The following WDR35 variants were observed in gnomAD, a reference collection of about 807,000 sequenced individuals.
WDR35 encodes the protein WD repeat-containing protein 35.
Under a neutral mutation model 158.3 loss-of-function variants are expected in WDR35, and 118 were observed. That is an observed-to-expected ratio of 0.75 (90% CI 0.64 to 0.87). WDR35 has a LOEUF of 0.87. Among genes scored for constraint, WDR35 ranks in the 40% least tolerant of loss-of-function variants. The pLI is 0.00. For missense variants in WDR35, 1,263 were observed against 1,405.8 expected, an observed-to-expected ratio of 0.90 and a Z score of 1.62; for synonymous variants, 448 against 476.1, an observed-to-expected ratio of 0.94 and a Z score of 0.77.
chr2:19,931,214 T>C (rs1670513939), intron 24 of WDR35, 55 bp downstream of exon 24: 1 of 1,575,558 alleles, frequency 6.3e-7, no homozygotes. Flanking sequence ...AGTTTCTTTT[T>C]TTTTTTTTCT....
At chr2:19,965,048 C>T (rs1028344020) in intron 10 of WDR35, among the ~76,000 whole-genome samples, 16 of 152,062 alleles carry the variant, frequency 1.1e-4, no homozygotes, top group African/African-American at 3.6e-4. Flanking sequence ...CTCAGCCTCC[C>T]GAGTAGCTGG....
chr2:19,969,708 T>C (rs1281025679), intron 8 of WDR35, 103 bp from the exon 9 acceptor site: 4 of 1,306,840 alleles, frequency 3.1e-6, no homozygotes, highest in Non-Finnish European at 4.2e-6. Flanking sequence ...AACATTATTT[T>C]GTGAAAAGTT....
intron 16 of WDR35, among the ~76,000 whole-genome samples, chr2:19,943,162 A>G (rs1171549938): frequency 6.6e-6 from 1 of 152,126 alleles, no homozygotes; most frequent in East Asian, 1.9e-4. Flanking sequence ...CTTGTAAATT[A>G]AAAGTAATAT....
In WDR35 at chr2:19,935,573, T is replaced by C. The variant is rs1291192743; in HGVS notation, c.2445A>G (p.Gly815=). The C allele has an allele frequency of 6.2e-7, 1 of 1,612,910 alleles. No homozygotes were observed. The change falls in exon 21 of 27, where the codon GGA becomes GGG. Residue 815 remains glycine, a synonymous_variant. Coordinates refer to ENST00000281405, the MANE Select transcript of WDR35 (RefSeq NM_020779.4). ...WLNAVQYYVQ[G]RNQERLAECY... is the part of the protein sequence containing the mutation. Reference sequence around the variant, plus strand: ...ATTCAGCTAAGCGTTCCTGGTTCCGTCCTTGTACATAATATTGTACAGCAT... The same window carrying C: ...ATTCAGCTAAGCGTTCCTGGTTCCGCCCTTGTACATAATATTGTACAGCAT...
chr2:19,960,308 G>A (rs1671598435), intron 11 of WDR35, among the ~76,000 whole-genome samples: 1 of 152,032 alleles, frequency 6.6e-6, no homozygotes, highest in African/African-American at 2.4e-5. Flanking sequence ...AATTATAATG[G>A]ATTTTAGATA....
At chr2:19,980,895 A>T (rs1572367388) in intron 3 of WDR35, 112 bp from the exon 4 acceptor site, 2 of 916,008 alleles carry the variant, frequency 2.2e-6, no homozygotes, top group Non-Finnish European at 3.4e-6. Flanking sequence ...CTGTACAGCT[A>T]ACTAGTCTTT....
At chr2:19,944,395 A>C (rs1247937192) in intron 16 of WDR35, among the ~76,000 whole-genome samples, 5 of 152,182 alleles carry the variant, frequency 3.3e-5, no homozygotes, top group African/African-American at 1.2e-4. Flanking sequence ...CATGTGTGCT[A>C]TAGACACATT....
chr2:19,921,381 T>G (rs1348914578), intron 25 of WDR35, among the ~76,000 whole-genome samples: 1 of 152,066 alleles, frequency 6.6e-6, no homozygotes, highest in African/African-American at 2.4e-5. Context: ...AAAACAGATA[T>G]ATAGACCAAT....
intron 18 of WDR35, 27 bp downstream of exon 18, chr2:19,938,238 C>G: frequency 6.2e-7 from 1 of 1,613,864 alleles, no homozygotes. Context: ...ACCTGACATC[C>G]TGGGAGAGTT....
chr2:19,952,889 C>T (rs1233297064), intron 12 of WDR35, among the ~76,000 whole-genome samples: 2 of 149,148 alleles, frequency 1.3e-5, no homozygotes, highest in East Asian at 2.0e-4. Context: ...CCCGGGTTCA[C>T]GCCATTCTCC....
intron 7 of WDR35, among the ~76,000 whole-genome samples, chr2:19,974,190 C>G (rs925424038): frequency 6.6e-6 from 1 of 152,086 alleles, no homozygotes; most frequent in Non-Finnish European, 1.5e-5. Flanking sequence ...GCAGGTGGAT[C>G]ACGAGGTCAG....
intron 21 of WDR35, chr2:19,935,240 A>T: frequency 2.7e-6 from 1 of 376,164 alleles, no homozygotes; most frequent in Non-Finnish European, 4.6e-6. Context: ...ACTACACAAG[A>T]CTGTGATCAT....
intron 26 of WDR35, 95 bp from the exon 27 acceptor site, chr2:19,913,803 T>G (rs1669907666): frequency 6.5e-7 from 1 of 1,533,592 alleles, no homozygotes; most frequent in Non-Finnish European, 8.9e-7. Context: ...AGAATAAAAC[T>G]TCTGAGATGA....
At position 19,953,896 on chromosome 2, in the gene WDR35, T is replaced by C; in HGVS notation, c.1338A>G (p.Ala446=). ...TAATTTCCAATGCTGTGAGCTTCTT[T>C]GCCACACGATATTGCCAGGTATAAA... is the stretch of plus-strand genomic sequence containing the variant. ...EAFYTWQYRV[A]KKLTALEINQ... is the part of the protein sequence containing the mutation. Residue 446 remains alanine (A), a synonymous_variant, in exon 12 of 27, where the codon GCA becomes GCG. Transcript: ENST00000281405. 6.2e-7 allele frequency: 1 copy of C among 1,614,154 alleles called. No individual in the cohort carries two copies. Among genetic ancestry groups the C allele is most frequent in the Non-Finnish European group, 8.5e-7 (1 of 1,180,010 alleles).
Position 19,931,551 on chromosome 2 carries a change from T to C in WDR35, c.2824-142A>G, listed in dbSNP as rs1670527230. 5.6e-6 allele frequency: 5 copies of C among 900,342 alleles called. No homozygotes were observed. The South Asian group carries it at 6.8e-5, about 12-fold the overall frequency. The allele number at this position is 900,342 out of a possible 1,614,324, so 55.8% of individuals were successfully genotyped here. On this transcript the variant is annotated intron_variant, in intron 23 of 26. Coordinates refer to ENST00000281405, the MANE Select transcript of WDR35 (RefSeq NM_020779.4). ...GAATATAAATATCACCTATTTAAGA[T>C]AAATATTTTAAAACCTATCTTCTTT...
chr2:19,968,694 T>C (rs975927233), intron 9 of WDR35, among the ~76,000 whole-genome samples: 1 of 152,198 alleles, frequency 6.6e-6, no homozygotes, highest in Non-Finnish European at 1.5e-5. Context: ...GAATCAGCCA[T>C]TTCTCTAAGG....
At chr2:19,989,908 A>C in intron 1 of WDR35, 84 bp downstream of exon 1, 2 of 1,587,924 alleles carry the variant, frequency 1.3e-6, no homozygotes, top group Non-Finnish European at 1.7e-6. Context: ...CGGGTGAAGG[A>C]GCCTGGCTTC....
At position 19,980,722 on chromosome 2, in the gene WDR35, G is replaced by A. The variant is rs943471447; in HGVS notation, c.276C>T (p.Asn92=). 36 of 1,613,502 alleles carry A rather than the reference G, an allele frequency of 2.2e-5. No homozygotes were observed. Among genetic ancestry groups the A allele is most frequent in the Middle Eastern group, 1.6e-4 (1 of 6,078 alleles). Residue 92 remains asparagine (N), a synonymous_variant, in exon 4 of 27, where the codon AAC becomes AAT. Coordinates refer to ENST00000281405, the MANE Select transcript of WDR35 (RefSeq NM_020779.4). The part of the protein sequence containing the change: ...QYQKLTTSDE[N]GLIIVWMLYK... The stretch of plus-strand genomic sequence containing the variant: ...ATAACATCCACACAATGATAAGCCC[G>A]TTTTCATCACTGGTAGTCAACTTCT...
At chr2:19,986,172 G>T (rs1215256971) in intron 2 of WDR35, among the ~76,000 whole-genome samples, 1 of 152,168 alleles carries the variant, frequency 6.6e-6, no homozygotes, top group Non-Finnish European at 1.5e-5. Context: ...TGAGTGAAAT[G>T]GAGATATTTG....
Sources: allele counts gnomAD v4.1 joint callset (sites outside exome capture counted in the v4.1 genomes callset), GRCh38; gene constraint gnomAD v4.1.1; transcripts MANE v1.5; gene names NCBI Gene and HGNC (gene_info 2026-07-23, HGNC 2026-07-21).